Variants in SLC15A3 observed in about 807,000 individuals in gnomAD.
SLC15A3 encodes the protein osteoclast transporter.
A neutral mutation model predicts 49.2 loss-of-function variants in SLC15A3; 39 were observed. That is an observed-to-expected ratio of 0.79 (90% confidence interval 0.61 to 1.04). The LOEUF (loss-of-function observed/expected upper bound fraction) is 1.04, where lower values mean the gene tolerates loss of function less well. Ranked by LOEUF, SLC15A3 falls within the 50% of genes least tolerant of loss-of-function variation. SLC15A3 has a pLI of 0.00. For synonymous variants in SLC15A3, 339 were observed against 367.0 expected (o/e 0.92, Z 0.87); for missense variants, 758 against 794.8 (o/e 0.95, Z 0.56).
At chr11:60,945,684 A>G (rs1856791135) in intron 2 of SLC15A3, among the ~76,000 whole-genome samples, 1 of 152,216 alleles carries the variant, frequency 6.6e-6, no homozygotes, top group Admixed American at 6.5e-5. Flanking sequence ...GCGAGGGGCA[A>G]AAGGAAGCCA....
At chr11:60,945,865 C>T (rs923391203) in intron 2 of SLC15A3, among the ~76,000 whole-genome samples, 1 of 152,166 alleles carries the variant, frequency 6.6e-6, no homozygotes, top group Non-Finnish European at 1.5e-5. Context: ...CCCCATCATC[C>T]TCTCCTTTAA....
chr11:60,949,324 G>A (rs562437650), intron 1 of SLC15A3, among the ~76,000 whole-genome samples: 3 of 151,066 alleles, frequency 2.0e-5, no homozygotes, highest in East Asian at 1.9e-4. Context: ...GCAACAGAGC[G>A]AGACTCCGTC....
At chr11:60,950,806 C>CA (rs1438189798) in intron 1 of SLC15A3, among the ~76,000 whole-genome samples, 188 bp downstream of exon 1, 1 of 151,648 alleles carries the variant, frequency 6.6e-6, no homozygotes, top group Non-Finnish European at 1.5e-5. Context: ...ATAAAACAAA[C>CA]AAAAAAACAA....
intron 1 of SLC15A3, among the ~76,000 whole-genome samples, chr11:60,949,418 GAAAGAAGGAAAGAAA>G (rs1565129672): frequency 3.9e-5 from 3 of 76,618 alleles, no homozygotes; most frequent in Non-Finnish European, 7.2e-5. Flanking sequence ...AAGAAAGAAA[GAAAGAAGGAAAGAAA>G]GAAAGAAAGA....
intron 2 of SLC15A3, among the ~76,000 whole-genome samples, 185 bp from the exon 3 acceptor site, chr11:60,944,021 T>C (rs1397032736): frequency 6.6e-6 from 1 of 152,142 alleles, no homozygotes; most frequent in Non-Finnish European, 1.5e-5. Context: ...AGCCAGGCTG[T>C]TTTGGCGTGC....
Position 60,941,135 on chromosome 11 carries a change from G to T in SLC15A3, c.1263C>A (p.Ser421=). The T allele has an allele frequency of 1.2e-6, 2 of 1,613,016 alleles. No homozygotes were observed. The highest frequency in any genetic ancestry group is 1.7e-6 in the Non-Finnish European group (2 of 1,179,436). The change falls in exon 5 of 8, where the codon TCC becomes TCA. Residue 421 remains serine, a synonymous_variant. Transcript: ENST00000227880. ...MALGMFFGFT[S]VIVAGVLEME... ...CCCTCTGCACACCTGCCACAATGACGGAGGTAAAACCAAAGAACATCCCCA... is the reference window on the plus strand; with the variant it reads ...CCCTCTGCACACCTGCCACAATGACTGAGGTAAAACCAAAGAACATCCCCA...
At chr11:60,938,548 G>A (rs546240719) in intron 6 of SLC15A3, among the ~76,000 whole-genome samples, 159 of 152,148 alleles carry the variant, frequency 1.0e-3, no homozygotes, top group African/African-American at 3.6e-3. Flanking sequence ...ACCTCGGATG[G>A]GGTCCTTTCC....
chr11:60,950,456 A>G (rs917299271), intron 1 of SLC15A3, among the ~76,000 whole-genome samples: 9 of 152,210 alleles, frequency 5.9e-5, no homozygotes, highest in African/African-American at 1.7e-4. Context: ...TCAGTTAAAC[A>G]GTGAAAGTGC....
At chr11:60,945,785 T>G (rs565584657) in intron 2 of SLC15A3, among the ~76,000 whole-genome samples, 22 of 152,330 alleles carry the variant, frequency 1.4e-4, no homozygotes, top group Admixed American at 9.1e-4. Context: ...TAAGACGCTG[T>G]GATGGTTAGT....
intron 1 of SLC15A3, among the ~76,000 whole-genome samples, chr11:60,949,537 A>AAAGAAGG (rs1565129916): frequency 3.9e-5 from 3 of 77,808 alleles, no homozygotes; most frequent in African/African-American, 8.4e-5. Flanking sequence ...AGAAAGAAAG[A>AAAGAAGG]AAGAAAGAAA....
In SLC15A3 at chr11:60,942,068, A is replaced by G. The variant is rs529167984; in HGVS notation, c.1074T>C (p.Ser358=). The change falls in exon 4 of 8, where the codon TCT becomes TCC. Residue 358 remains serine, a synonymous_variant. Coordinates refer to ENST00000227880, the MANE Select transcript of SLC15A3 (RefSeq NM_016582.3). ...TGCTGCCCTGGGCTCTCAGGGCCACAGAGATGTTGGCCGGGTTGGCTGGGA... is the reference window on the plus strand; with the variant it reads ...TGCTGCCCTGGGCTCTCAGGGCCACGGAGATGTTGGCCGGGTTGGCTGGGA... ...NIFPANPANI[S]VALRAQGSSY... 1 of 1,613,582 alleles carries G rather than the reference A, an allele frequency of 6.2e-7. No homozygotes were observed. Among genetic ancestry groups the G allele is most frequent in the African/African-American group, 1.3e-5 (1 of 75,012 alleles).
chr11:60,949,474 G>C (rs1346137788), intron 1 of SLC15A3, among the ~76,000 whole-genome samples: 1 of 134,942 alleles, frequency 7.4e-6, no homozygotes, highest in African/African-American at 3.2e-5. Flanking sequence ...GAGAGAGAAA[G>C]AGAAAGAAAG....
chr11:60,938,392 C>G (rs1856657696), intron 6 of SLC15A3, among the ~76,000 whole-genome samples: 1 of 152,162 alleles, frequency 6.6e-6, no homozygotes, highest in South Asian at 2.1e-4. Context: ...TTTGATACAG[C>G]CTCTGAAATC....
intron 1 of SLC15A3, 37 bp from the exon 2 acceptor site, chr11:60,946,858 G>A (rs1856813080): frequency 6.3e-7 from 1 of 1,580,596 alleles, no homozygotes; most frequent in Admixed American, 1.7e-5. Flanking sequence ...AGGGCCAAAG[G>A]GGTCCGGGGC....
Position 60,942,092 on chromosome 11 carries a change from G to A in SLC15A3, c.1050C>T (p.Phe350=). The A allele has an allele frequency of 6.2e-7, 1 of 1,613,204 alleles. No individual in the cohort carries two copies. Among genetic ancestry groups the A allele is most frequent in the South Asian group, 1.1e-5 (1 of 91,072 alleles). Residue 350 remains phenylalanine, a synonymous_variant, in exon 4 of 8, where the codon TTC becomes TTT. Transcript: ENST00000227880. ...CAGAGATGTTGGCCGGGTTGGCTGG[G>A]AAAATGTTTGGGATGTGGAGGTGAA... ...QGLHLHIPNI[F]PANPANISVA... is the part of the protein sequence containing the mutation.
intron 7 of SLC15A3, 113 bp from the exon 8 acceptor site, chr11:60,937,486 G>A: frequency 7.3e-7 from 1 of 1,372,242 alleles, no homozygotes; most frequent in South Asian, 1.2e-5. Context: ...GGGCAGTGGT[G>A]GGATCTGAAG....
Position 60,937,356 on chromosome 11 carries a change from G to T in SLC15A3, c.1609C>A (p.Arg537=). The T allele has an allele frequency of 1.9e-6, 3 of 1,614,106 alleles. No individual in the cohort carries two copies. The highest frequency in any genetic ancestry group is 2.5e-6 in the Non-Finnish European group (3 of 1,180,014). Residue 537 remains arginine, a synonymous_variant, in exon 8 of 8, where the codon CGG becomes AGG. Transcript: ENST00000227880. ...AGCAGGAAGAAGTAGAGGTCCATCC[G>T]GCAATTGTTGATGTTCCCTGGGGAA... The part of the protein sequence containing the change: ...PKDFGNINNC[R]MDLYFFLLAG...
At chr11:60,945,895 G>A (rs2134934939) in intron 2 of SLC15A3, among the ~76,000 whole-genome samples, 1 of 152,276 alleles carries the variant, frequency 6.6e-6, no homozygotes, top group East Asian at 1.9e-4. Context: ...CATCCGCATT[G>A]CCAATGTTTG....
At chr11:60,941,454 T>C in intron 4 of SLC15A3, 164 bp from the exon 5 acceptor site, 2 of 632,114 alleles carry the variant, frequency 3.2e-6, no homozygotes, top group South Asian at 5.2e-5. Flanking sequence ...AGTGGGATTA[T>C]GTAGAGATGG....
Sources: gnomAD v4.1 joint callset for allele counts (sites outside exome capture counted in the v4.1 genomes callset) on GRCh38, gnomAD v4.1.1 for gene constraint, MANE v1.5 for transcripts, NCBI Gene and HGNC (gene_info 2026-07-23, HGNC 2026-07-21) for gene names.